The following MGAT4C variants were observed in gnomAD, a reference collection of about 807,000 sequenced individuals.
MGAT4C encodes the protein alpha-1,3-mannosyl-glycoprotein 4-beta-N-acetylglucosaminyltransferase C.
Under a neutral mutation model 40.1 loss-of-function variants are expected in MGAT4C, and 19 were observed. The observed-to-expected ratio is 0.47, with a 90% CI of 0.33 to 0.70. The LOEUF is 0.70. Among genes scored for constraint, MGAT4C ranks in the 30% least tolerant of loss-of-function variants. The probability of loss-of-function intolerance (pLI) is 0.02; values close to 1 mark genes in which losing one functional copy is unlikely to be tolerated. For missense variants in MGAT4C, 491 were observed against 563.2 expected, an observed-to-expected ratio of 0.87 and a Z score of 1.30; for synonymous variants, 181 against 187.1, an observed-to-expected ratio of 0.97 and a Z score of 0.27.
At chr12:86,806,874 G>T (rs1952366291) in intron 1 of MGAT4C, among the ~76,000 whole-genome samples, 1 of 151,862 alleles carries the variant, frequency 6.6e-6, no homozygotes, top group South Asian at 2.1e-4. Context: ...GGGTAGCGGG[G>T]GAGGGATAGC....
In MGAT4C at chr12:85,975,252, A is replaced by G. The variant is rs1883886412; in HGVS notation, c.*4037T>C. Reference sequence around the variant, plus strand: ...AAGGTAGGCTGAATAACATTTTTAAAGGGCAGTAAATTTTATAATTGTTAT... The same window carrying G: ...AAGGTAGGCTGAATAACATTTTTAAGGGGCAGTAAATTTTATAATTGTTAT... On this transcript the variant is annotated 3_prime_UTR_variant, in exon 5 of 5. Coordinates refer to ENST00000611864, the MANE Select transcript of MGAT4C (RefSeq NM_001351288.2). The G allele has an allele frequency of 6.6e-6, 1 of 151,040 alleles. No homozygotes were observed. Among genetic ancestry groups the G allele is most frequent in the African/African-American group, 2.4e-5 (1 of 41,352 alleles). The allele number at this position is 151,040 out of a possible 1,614,324, so 9.4% of individuals were successfully genotyped here. A position where few individuals can be genotyped will look rare whatever the true frequency, so the allele number is the denominator to read the frequency against.
chr12:86,058,103 A>AT (rs1420058556), intron 1 of MGAT4C, among the ~76,000 whole-genome samples: 1 of 146,148 alleles, frequency 6.8e-6, no homozygotes, highest in Admixed American at 6.7e-5. Flanking sequence ...CACAGTGAAT[A>AT]TTTTTTGTAT....
chr12:86,553,132 C>T (rs552779512), intron 2 of MGAT4C, among the ~76,000 whole-genome samples: 1 of 152,186 alleles, frequency 6.6e-6, no homozygotes, highest in East Asian at 1.9e-4. Context: ...AAGCAAATCA[C>T]TTAAGGTCAA....
intron 1 of MGAT4C, among the ~76,000 whole-genome samples, chr12:86,060,611 G>A (rs898876140): frequency 2.0e-5 from 3 of 152,130 alleles, no homozygotes; most frequent in Admixed American, 6.6e-5. Flanking sequence ...GAGCAAATGT[G>A]TATAATCTTT....
intron 2 of MGAT4C, among the ~76,000 whole-genome samples, chr12:86,561,350 G>C (rs1392255477): frequency 6.6e-6 from 1 of 152,176 alleles, no homozygotes; most frequent in African/African-American, 2.4e-5. Flanking sequence ...TGTTGCCAAA[G>C]GAGATTAAAA....
chr12:86,308,779 G>C (rs1273745168), intron 4 of MGAT4C, among the ~76,000 whole-genome samples: 1 of 150,448 alleles, frequency 6.6e-6, no homozygotes, highest in Non-Finnish European at 1.5e-5. Flanking sequence ...CTATGGTTGA[G>C]ACACTGTGTT....
At chr12:86,144,133 A>C (rs1566046276) in intron 1 of MGAT4C, among the ~76,000 whole-genome samples, 1 of 152,252 alleles carries the variant, frequency 6.6e-6, no homozygotes, top group South Asian at 2.1e-4. Flanking sequence ...CAGAGAGGAC[A>C]GAAAAGACCT....
intron 1 of MGAT4C, among the ~76,000 whole-genome samples, chr12:86,767,218 C>T (rs1951527295): frequency 6.6e-6 from 1 of 152,160 alleles, no homozygotes; most frequent in Non-Finnish European, 1.5e-5. Context: ...AAACTACCAT[C>T]AGAGAATACT....
intron 1 of MGAT4C, among the ~76,000 whole-genome samples, chr12:86,795,136 C>G (rs1398597700): frequency 6.6e-6 from 1 of 151,758 alleles, no homozygotes; most frequent in Non-Finnish European, 1.5e-5. Flanking sequence ...ATTTTTAAGT[C>G]TGTGTTTTCC....
chr12:86,004,989 C>T (rs1887725262), intron 2 of MGAT4C, among the ~76,000 whole-genome samples: 1 of 152,136 alleles, frequency 6.6e-6, no homozygotes, highest in Non-Finnish European at 1.5e-5. Flanking sequence ...CAAGTCCTGG[C>T]ATCACCCCAT....
chr12:86,453,618 C>T lies in MGAT4C; in HGVS notation c.-228-18353G>A, dbSNP rs532153575. Among the ~76,000 whole-genome samples the T allele has an allele frequency of 3.3e-5, 5 of 152,190 alleles. No individual in the cohort carries two copies. In the East Asian group the frequency reaches 5.8e-4, roughly 18 times the overall value. ...CTTGACTCTCTCAATCTTGCAGCTC[C>T]GCTATTTACACTCTTTGGCTTTTGT... On this transcript the variant is annotated intron_variant, in intron 2 of 7. Coordinates refer to the MGAT4C transcript ENST00000548651.
At chr12:86,217,912 CT>C (rs1950732303) in intron 1 of MGAT4C, among the ~76,000 whole-genome samples, 1 of 151,898 alleles carries the variant, frequency 6.6e-6, no homozygotes, top group Admixed American at 6.6e-5. Flanking sequence ...GGAGAAGAAT[CT>C]TGTGAAAGGA....
chr12:86,123,729 T>G (rs1879815887), intron 1 of MGAT4C, among the ~76,000 whole-genome samples: 2 of 152,134 alleles, frequency 1.3e-5, no homozygotes, highest in African/African-American at 4.8e-5. Context: ...GGACGTGGCA[T>G]CCTTGGTTCA....
chr12:86,762,780 G>A lies in MGAT4C; in HGVS notation c.-261-35539C>T, dbSNP rs76215217. Among the ~76,000 whole-genome samples, 3 of 152,290 alleles carry A rather than the reference G, an allele frequency of 2.0e-5. No individual in the cohort carries two copies. In the East Asian group the frequency reaches 5.8e-4, roughly 29 times the overall value. On this transcript the variant is annotated intron_variant, in intron 1 of 7. Transcript: ENST00000548651. ...AACAAATAATAAACACATTTTGAAA[G>A]TAGAGAAACATGTCATCATAAAGCA...
At chr12:86,113,105 G>C (rs1271251532) in intron 1 of MGAT4C, among the ~76,000 whole-genome samples, 1 of 151,684 alleles carries the variant, frequency 6.6e-6, no homozygotes, top group Non-Finnish European at 1.5e-5. Context: ...CAAAATAAGG[G>C]AAAAATATAA....
At position 86,528,676 on chromosome 12, in the gene MGAT4C, G is replaced by A. The variant is rs189749962; in HGVS notation, c.-228-93411C>T. Among the ~76,000 whole-genome samples, 462 of 152,046 alleles carry A rather than the reference G, an allele frequency of 3.0e-3. 2 individuals carry two copies. Among genetic ancestry groups the A allele is most frequent in the Middle Eastern group, 6.8e-3 (2 of 292 alleles). Reference sequence around the variant, plus strand: ...GTTAATGTGAAAATTTTGTGTTTCTGTTTTAGAAAAATATAATCATAAGTC... The same window carrying A: ...GTTAATGTGAAAATTTTGTGTTTCTATTTTAGAAAAATATAATCATAAGTC... On this transcript the variant is annotated intron_variant, in intron 2 of 7. Coordinates refer to the MGAT4C transcript ENST00000548651.
At chr12:86,715,148 C>G (rs961814666) in intron 2 of MGAT4C, among the ~76,000 whole-genome samples, 8 of 152,044 alleles carry the variant, frequency 5.3e-5, no homozygotes, top group African/African-American at 1.7e-4. Flanking sequence ...CTAATTTATT[C>G]AGGCATGTTT....
intron 1 of MGAT4C, among the ~76,000 whole-genome samples, chr12:86,231,446 TAAAC>T (rs997626333): frequency 1.3e-5 from 2 of 152,170 alleles, no homozygotes; most frequent in Non-Finnish European, 2.9e-5. Flanking sequence ...CCACGTAACA[TAAAC>T]AAAGGATTGG....
chr12:86,305,132 G>A (rs959548735), intron 4 of MGAT4C, among the ~76,000 whole-genome samples: 6 of 150,626 alleles, frequency 4.0e-5, no homozygotes, highest in Non-Finnish European at 8.8e-5. Flanking sequence ...CACTTCACTT[G>A]AATAGTAAGT....
Sources: gnomAD v4.1 joint callset for allele counts (sites outside exome capture counted in the v4.1 genomes callset) on GRCh38, gnomAD v4.1.1 for gene constraint, MANE v1.5 for transcripts, NCBI Gene and HGNC (gene_info 2026-07-23, HGNC 2026-07-21) for gene names.